Variants in GRIK2 observed in about 807,000 individuals in gnomAD.
The protein encoded by GRIK2 is glutamate receptor ionotropic, kainate 2.
GRIK2 carries 32 observed loss-of-function variants against 100.3 expected under a neutral mutation model. That is an observed-to-expected ratio of 0.32 (90% confidence interval 0.24 to 0.43). The LOEUF (loss-of-function observed/expected upper bound fraction) is 0.43. Ranked by LOEUF, GRIK2 falls within the 20% of genes least tolerant of loss-of-function variation. The pLI is 1.00. For synonymous variants in GRIK2, 417 were observed against 389.4 expected (o/e 1.07, Z -0.83); for missense variants, 843 against 1,114.9 (o/e 0.76, Z 3.47).
At chr6:101,893,685 A>G (rs1267419920) in intron 12 of GRIK2, among the ~76,000 whole-genome samples, 2 of 151,746 alleles carry the variant, frequency 1.3e-5, no homozygotes, top group Non-Finnish European at 3.0e-5. Flanking sequence ...TTGAGCCTCT[A>G]GTAAGCACTA....
At chr6:101,620,321 T>C (rs1252343618) in intron 2 of GRIK2, 1 of 262,748 alleles carries the variant, frequency 3.8e-6, no homozygotes, top group Admixed American at 6.5e-5. Context: ...TTAACATAAG[T>C]CACCAAAGAC....
Position 101,521,047 on chromosome 6 carries a change from C to T in GRIK2, c.116-100902C>T, listed in dbSNP as rs142058824. Among the ~76,000 whole-genome samples the T allele has an allele frequency of 4.5e-4, 68 of 152,024 alleles. 1 individual carries two copies. Among genetic ancestry groups the T allele is most frequent in the African/African-American group, 1.6e-3 (67 of 41,498 alleles). ...GCAAATGTGTAATATTTGACCATGCCAGTTTTTCGTTATTTACCTAATTAT... is the reference window on the plus strand; with the variant it reads ...GCAAATGTGTAATATTTGACCATGCTAGTTTTTCGTTATTTACCTAATTAT... On this transcript the variant is annotated intron_variant, in intron 2 of 16. Transcript: ENST00000369134.
At chr6:101,396,230 T>C (rs931558414) in intron 1 of GRIK2, among the ~76,000 whole-genome samples, 1 of 145,020 alleles carries the variant, frequency 6.9e-6, no homozygotes, top group Non-Finnish European at 1.5e-5. Flanking sequence ...TATAGGGATG[T>C]AAATTTAGCA....
intron 2 of GRIK2, among the ~76,000 whole-genome samples, chr6:101,589,091 C>G (rs540086199): frequency 1.3e-5 from 2 of 152,214 alleles, no homozygotes; most frequent in African/African-American, 4.8e-5. Flanking sequence ...ACCTACCATT[C>G]TGGCTTGGAT....
intron 14 of GRIK2, among the ~76,000 whole-genome samples, chr6:102,023,958 C>T (rs1281631447): frequency 6.6e-6 from 1 of 151,052 alleles, no homozygotes; most frequent in Non-Finnish European, 1.5e-5. Context: ...GCATGAGGCT[C>T]CAGTGGGATT....
chr6:101,809,683 A>T (rs2791818), intron 9 of GRIK2, among the ~76,000 whole-genome samples: 40,783 of 151,792 alleles, frequency 0.27, 7,327 homozygotes, highest in East Asian at 0.63. Flanking sequence ...TAACTCGTAA[A>T]CTTTAAATTA....
intron 16 of GRIK2, among the ~76,000 whole-genome samples, chr6:102,056,939 C>G (rs977235449): frequency 2.6e-5 from 4 of 152,028 alleles, no homozygotes; most frequent in African/African-American, 9.6e-5. Context: ...GTTTTCACAA[C>G]ACATTCAGGT....
chr6:101,898,226 TTTTTAA>T (rs1787604477), intron 12 of GRIK2, among the ~76,000 whole-genome samples: 1 of 151,880 alleles, frequency 6.6e-6, no homozygotes, highest in Non-Finnish European at 1.5e-5. Flanking sequence ...ATTGTAACAC[TTTTTAA>T]TTTTAACTTA....
intron 7 of GRIK2, among the ~76,000 whole-genome samples, chr6:101,760,406 T>G (rs1777451521): frequency 2.0e-5 from 1 of 50,712 alleles, no homozygotes; most frequent in Non-Finnish European, 2.7e-5. Flanking sequence ...TAATTATATA[T>G]TTATTATATA....
chr6:101,527,808 T>A (rs1220108133), intron 2 of GRIK2, among the ~76,000 whole-genome samples: 1 of 152,228 alleles, frequency 6.6e-6, no homozygotes, highest in African/African-American at 2.4e-5. Context: ...GTTCTTTTCT[T>A]ATCTATCCAC....
Position 102,011,577 on chromosome 6 carries a change from C to CTTTTTTTT in GRIK2, c.2086-23747_2086-23740dup, listed in dbSNP as rs763369559. On this transcript the variant is annotated intron_variant, in intron 14 of 16. Coordinates refer to ENST00000369134, the MANE Select transcript of GRIK2 (RefSeq NM_021956.5). ...ATTTCTTTTTTTTTTCTTTCTTTTC[C>CTTTTTTTT]TTTTTTTTTTTTTTTTTTTTTTTTG... Among the ~76,000 whole-genome samples, 88 of 76,646 alleles carry CTTTTTTTT rather than the reference C, an allele frequency of 1.1e-3. 2 individuals are homozygous for CTTTTTTTT. Among genetic ancestry groups the CTTTTTTTT allele is most frequent in the Middle Eastern group, 0.015 (1 of 66 alleles). The allele number at this position is 76,646 out of a possible 152,430, so 50.3% of individuals were successfully genotyped here. A position where few individuals can be genotyped will look rare whatever the true frequency, so the allele number is the denominator to read the frequency against.
intron 4 of GRIK2, 45 bp downstream of exon 4, chr6:101,626,682 T>G: frequency 5.9e-6 from 9 of 1,535,354 alleles, no homozygotes; most frequent in Non-Finnish European, 8.0e-6. Flanking sequence ...TAAATATAGA[T>G]AATTTTCTGA....
chr6:101,593,678 A>G (rs1778782716), intron 2 of GRIK2, among the ~76,000 whole-genome samples: 1 of 151,874 alleles, frequency 6.6e-6, no homozygotes, highest in Non-Finnish European at 1.5e-5. Flanking sequence ...AAACTCATAA[A>G]ATTAGGTGTT....
At chr6:101,969,626 C>T (rs1170101795) in intron 14 of GRIK2, among the ~76,000 whole-genome samples, 3 of 151,968 alleles carry the variant, frequency 2.0e-5, no homozygotes, top group Admixed American at 6.6e-5. Context: ...AGTTTTTGTT[C>T]ACTAATGGAA....
intron 14 of GRIK2, among the ~76,000 whole-genome samples, chr6:101,983,881 A>G (rs1489164949): frequency 6.6e-6 from 1 of 151,730 alleles, no homozygotes; most frequent in Non-Finnish European, 1.5e-5. Flanking sequence ...TTACTTTTAG[A>G]AAACAAATTT....
At chr6:101,472,756 T>C (rs182047211) in intron 2 of GRIK2, among the ~76,000 whole-genome samples, 60 of 151,960 alleles carry the variant, frequency 3.9e-4, no homozygotes, top group Admixed American at 3.6e-3. Flanking sequence ...ATGCAGTTTG[T>C]TACACTGTCC....
chr6:102,058,372 A>G (rs1771571470), intron 16 of GRIK2, among the ~76,000 whole-genome samples: 1 of 151,600 alleles, frequency 6.6e-6, no homozygotes, highest in Non-Finnish European at 1.5e-5. Flanking sequence ...TTACCTACCT[A>G]CCTATCTACC....
chr6:102,040,799 T>G (rs1269495863), intron 15 of GRIK2, among the ~76,000 whole-genome samples: 1 of 151,646 alleles, frequency 6.6e-6, no homozygotes, highest in Non-Finnish European at 1.5e-5. Flanking sequence ...GCCTTCCGTT[T>G]TTCAGCTTTA....
At chr6:101,396,255 A>G (rs1246321695) in intron 1 of GRIK2, among the ~76,000 whole-genome samples, 1 of 125,698 alleles carries the variant, frequency 8.0e-6, no homozygotes, top group Non-Finnish European at 1.7e-5. Flanking sequence ...CCCCCCCCCC[A>G]GGAAGTGAGT....
Sources: allele counts gnomAD v4.1 joint callset (sites outside exome capture counted in the v4.1 genomes callset), GRCh38; gene constraint gnomAD v4.1.1; transcripts MANE v1.5; gene names NCBI Gene and HGNC (gene_info 2026-07-23, HGNC 2026-07-21).